LUC7L: variants seen among roughly 807,000 people sequenced by gnomAD.
LUC7L encodes putative RNA-binding protein Luc7-like 1.
A neutral mutation model predicts 51.1 loss-of-function variants in LUC7L; 29 were observed. That is an observed-to-expected ratio of 0.57 (90% CI 0.42 to 0.77). The LOEUF is 0.77. LUC7L is among the 30% of genes least tolerant of loss of function. The pLI is 0.00. For synonymous variants in LUC7L, 181 were observed against 180.7 expected, an observed-to-expected ratio of 1.00 and a Z score of -0.01; for missense variants, 403 against 511.9, an observed-to-expected ratio of 0.79 and a Z score of 2.05.
At position 215,880 on chromosome 16, in the gene LUC7L, TC is replaced by T. The variant is rs199550439; in HGVS notation, c.255+4768del. 6.9e-3 allele frequency among the ~76,000 whole-genome samples: 1,057 copies of T among 152,188 alleles called. 13 individuals carry two copies. The highest frequency in any genetic ancestry group is 0.024 in the African/African-American group (1,015 of 41,528). ...CTGCTCCACCACACCCAGCTAATTT[TC>T]TATTTTTTTTCTAGAAACATGTTCT... On this transcript the variant is annotated intron_variant, in intron 3 of 9. Transcript: ENST00000293872.
At chr16:196,034 A>G (rs2049139411) in intron 6 of LUC7L, among the ~76,000 whole-genome samples, 1 of 152,232 alleles carries the variant, frequency 6.6e-6, no homozygotes, top group African/African-American at 2.4e-5. Flanking sequence ...GGTAGAAGGG[A>G]AAAACATTTC....
chr16:194,527 T>C (rs1002809568), intron 6 of LUC7L, among the ~76,000 whole-genome samples: 2 of 152,154 alleles, frequency 1.3e-5, no homozygotes, highest in Admixed American at 6.6e-5. Context: ...GTACAAACTT[T>C]ATGGTAAAAA....
In LUC7L at chr16:199,138, C is replaced by T. The variant is rs1323939173; in HGVS notation, c.611G>A (p.Arg204His). The change falls in exon 6 of 10, where the codon CGT (arginine) becomes CAT (histidine). Residue 204 changes from arginine to histidine, a missense_variant. Around this residue, in one of 3 missense-constraint regions of LUC7L, gnomAD observed 15 missense variants for 45.2 expected, o/e 0.33. Coordinates refer to ENST00000293872, the MANE Select transcript of LUC7L (RefSeq NM_201412.3). ...SAYLGLHDND[R>H]RLADHFGGKL... ...GCCACCGAAGTGGTCTGCCAGGCGA[C>T]GGTCATTGTCATGGAGACCAAGGTA... The T allele has an allele frequency of 1.2e-6, 2 of 1,613,658 alleles. No individual in the cohort carries two copies. The highest frequency in any genetic ancestry group is 2.2e-5 in the East Asian group (1 of 44,874).
At chr16:218,258 C>G (rs891044712) in intron 3 of LUC7L, among the ~76,000 whole-genome samples, 2 of 152,080 alleles carry the variant, frequency 1.3e-5, no homozygotes, top group African/African-American at 4.8e-5. Context: ...GCGGAGGGAC[C>G]CTTTCCCTTG....
intron 5 of LUC7L, among the ~76,000 whole-genome samples, chr16:201,601 G>A (rs571689299): frequency 5.9e-4 from 90 of 152,070 alleles, no homozygotes; most frequent in Middle Eastern, 3.4e-3. Context: ...CGCCACGCCC[G>A]GCCAATTTTT....
chr16:216,692 T>C (rs1315055652), intron 3 of LUC7L, among the ~76,000 whole-genome samples: 2 of 152,148 alleles, frequency 1.3e-5, no homozygotes, highest in African/African-American at 4.8e-5. Context: ...ATTATTTTAA[T>C]ATGAGCCCCC....
chr16:197,207 C>CTTTT (rs754309530), intron 6 of LUC7L, among the ~76,000 whole-genome samples: 120 of 80,364 alleles, frequency 1.5e-3, no homozygotes, highest in Non-Finnish European at 1.8e-3. Flanking sequence ...TGCACCCAGC[C>CTTTT]TTTTTTTTTT....
intron 2 of LUC7L, among the ~76,000 whole-genome samples, chr16:226,910 T>C (rs1401443816): frequency 6.6e-6 from 1 of 152,168 alleles, no homozygotes; most frequent in Admixed American, 6.6e-5. Context: ...TTCTGCCTGT[T>C]GAAGAGTGGA....
At chr16:208,308 G>T in intron 3 of LUC7L, 120 bp from the exon 4 acceptor site, 1 of 694,640 alleles carries the variant, frequency 1.4e-6, no homozygotes, top group Non-Finnish European at 2.4e-6. Context: ...GTACATTCAA[G>T]GGAAAGATCT....
chr16:227,457 A>G (rs750865476), intron 1 of LUC7L, 121 bp from the exon 2 acceptor site: 512 of 1,483,526 alleles, frequency 3.5e-4, no homozygotes, highest in Admixed American at 6.8e-4. Flanking sequence ...TCCCCATCAA[A>G]TGCAATGAAA....
chr16:228,556 T>A (rs945680036), intron 1 of LUC7L: 2 of 1,199,016 alleles, frequency 1.7e-6, no homozygotes, highest in Middle Eastern at 4.7e-4. Flanking sequence ...GCCCTGAGAA[T>A]GTGCCAGTGT....
intron 3 of LUC7L, chr16:208,598 C>A: frequency 1.0e-6 from 1 of 1,005,020 alleles, no homozygotes; most frequent in South Asian, 4.1e-5. Flanking sequence ...ATGATGTACT[C>A]ACTGGTCTTT....
At chr16:228,783 A>C in intron 1 of LUC7L, 1 of 1,285,546 alleles carries the variant, frequency 7.8e-7, no homozygotes, top group Non-Finnish European at 1.0e-6. Flanking sequence ...ACTTGGCAGA[A>C]ACCCACGTTA....
At chr16:227,180 C>T (rs921593379) in intron 2 of LUC7L, 62 bp downstream of exon 2, 13 of 1,336,782 alleles carry the variant, frequency 9.7e-6, no homozygotes, top group Admixed American at 4.2e-5. Context: ...ATAGAAAAAC[C>T]GTCACTGCCT....
At chr16:207,049 A>C (rs1567181817) in intron 4 of LUC7L, among the ~76,000 whole-genome samples, 1 of 151,946 alleles carries the variant, frequency 6.6e-6, no homozygotes, top group African/African-American at 2.4e-5. Context: ...AATACAAAAA[A>C]TTAGCTGGGC....
chr16:199,785 A>T (rs1440703371), intron 5 of LUC7L, among the ~76,000 whole-genome samples: 1 of 142,554 alleles, frequency 7.0e-6, no homozygotes, highest in Non-Finnish European at 1.5e-5. Context: ...AAAAAGAGAG[A>T]TCGAGACCAT....
chr16:210,988 T>C (rs1011002498), intron 3 of LUC7L, among the ~76,000 whole-genome samples: 8 of 150,742 alleles, frequency 5.3e-5, no homozygotes, highest in Non-Finnish European at 1.2e-4. Context: ...GAGGTAGAGC[T>C]TGCAGTGAGC....
chr16:223,156 A>G (rs1196252774), intron 2 of LUC7L, among the ~76,000 whole-genome samples: 3 of 150,988 alleles, frequency 2.0e-5, no homozygotes, highest in African/African-American at 7.3e-5. Context: ...TCAGGAGATC[A>G]AGACCATCCT....
intron 3 of LUC7L, among the ~76,000 whole-genome samples, chr16:213,453 G>A (rs2049700849): frequency 6.6e-6 from 1 of 152,170 alleles, no homozygotes; most frequent in Admixed American, 6.6e-5. Context: ...AGGCTGGAGT[G>A]TAGAGGCAAC....
Sources: allele counts gnomAD v4.1 joint callset (sites outside exome capture counted in the v4.1 genomes callset), GRCh38; gene constraint gnomAD v4.1.1; regional missense constraint gnomAD v4.1.1; transcripts MANE v1.5; gene names NCBI Gene and HGNC (gene_info 2026-07-23, HGNC 2026-07-21).